ACTR3: variants seen among roughly 807,000 people sequenced by gnomAD.
The protein encoded by ACTR3 is actin related protein 3.
ACTR3 carries 12 observed loss-of-function variants against 56.8 expected under a neutral mutation model. The ratio of observed to expected loss-of-function variants is 0.21; its 90% CI spans 0.14 to 0.34. ACTR3 has a LOEUF of 0.34. Ranked by LOEUF, ACTR3 falls within the 10% of genes least tolerant of loss-of-function variation. ACTR3 has a pLI of 1.00. For synonymous variants in ACTR3, 162 were observed against 167.4 expected (o/e 0.97, Z 0.25); for missense variants, 282 against 512.5 (o/e 0.55, Z 4.34).
At chr2:113,918,648 G>A (rs867176093) in intron 3 of ACTR3, among the ~76,000 whole-genome samples, 2 of 152,154 alleles carry the variant, frequency 1.3e-5, no homozygotes, top group Non-Finnish European at 2.9e-5. Context: ...GCCTGCCAAA[G>A]TGCTGGGGTT....
intron 5 of ACTR3, among the ~76,000 whole-genome samples, chr2:113,932,672 AGTGAT>A (rs1679744434): frequency 6.6e-6 from 1 of 152,224 alleles, no homozygotes; most frequent in African/African-American, 2.4e-5. Flanking sequence ...GACTTGTAAA[AGTGAT>A]CAGAGATAAT....
At position 113,958,108 on chromosome 2, in the gene ACTR3, C is replaced by CT. The variant is rs1250088035; in HGVS notation, c.*656dup. The stretch of plus-strand genomic sequence containing the variant: ...CTGATTACTCGCATTCTGTTTCTTG[C>CT]TTTAAAAGAAGAGTAAAGACAAGAG... On this transcript the variant is annotated 3_prime_UTR_variant, in exon 12 of 12. Transcript: ENST00000263238. 1 of 152,474 alleles carries CT rather than the reference C, an allele frequency of 6.6e-6. No individual in the cohort carries two copies. Among genetic ancestry groups the CT allele is most frequent in the Non-Finnish European group, 1.5e-5 (1 of 68,008 alleles). The allele number at this position is 152,474 out of a possible 1,614,324, so 9.4% of individuals were successfully genotyped here.
At chr2:113,931,179 T>C (rs1046912173) in intron 4 of ACTR3, 122 bp from the exon 5 acceptor site, 5 of 576,968 alleles carry the variant, frequency 8.7e-6, no homozygotes, top group Non-Finnish European at 1.5e-5. Context: ...GTCTTTCTAC[T>C]TGTAAATTTA....
In ACTR3 at chr2:113,957,611, C is replaced by A; in HGVS notation, c.*156C>A. The A allele has an allele frequency of 1.8e-6, 1 of 551,082 alleles. No individual in the cohort carries two copies. The highest frequency in any genetic ancestry group is 3.3e-6 in the Non-Finnish European group (1 of 305,556). 34.1% of individuals were successfully genotyped at this position (551,082 alleles called of 1,614,324 possible). On this transcript the variant is annotated 3_prime_UTR_variant, in exon 12 of 12. Transcript: ENST00000263238. The stretch of plus-strand genomic sequence containing the variant: ...CAGGAATATTTTAATAAGTGTATCA[C>A]CATGCAGATGTAGAAGAGAGCGAAA...
Position 113,962,261 on chromosome 2 carries a change from C to T in ACTR3, c.*4806C>T, listed in dbSNP as rs1379466164. 1 of 151,844 alleles carries T rather than the reference C, an allele frequency of 6.6e-6. No individual in the cohort carries two copies. The highest frequency in any genetic ancestry group is 1.5e-5 in the Non-Finnish European group (1 of 67,874). The allele number at this position is 151,844 out of a possible 1,614,324, so 9.4% of individuals were successfully genotyped here. A position where few individuals can be genotyped will look rare whatever the true frequency, so the allele number is the denominator to read the frequency against. ...GCAGGTCTTAAATAATTATCTAAGC[C>T]TTCAGTCATTTCAAAATCTCTGTAG... On this transcript the variant is annotated 3_prime_UTR_variant, in exon 12 of 12. Transcript: ENST00000263238.
At chr2:113,896,316 T>C (rs906063378) in intron 1 of ACTR3, among the ~76,000 whole-genome samples, 2 of 152,234 alleles carry the variant, frequency 1.3e-5, no homozygotes, top group African/African-American at 2.4e-5. Flanking sequence ...CAGTGTGTTA[T>C]GCTTATTTTC....
intron 1 of ACTR3, chr2:113,904,832 C>T (rs1679164686): frequency 6.6e-6 from 1 of 152,092 alleles, no homozygotes. Context: ...ATTTAATAAC[C>T]ATTTCTGTTG....
chr2:113,907,228 A>G (rs1317853877), intron 1 of ACTR3, among the ~76,000 whole-genome samples: 2 of 152,112 alleles, frequency 1.3e-5, no homozygotes, highest in Non-Finnish European at 2.9e-5. Flanking sequence ...AGCAGGGGAG[A>G]AGGTGCTTTT....
At position 113,958,395 on chromosome 2, in the gene ACTR3, CT is replaced by C. The variant is rs1680262630; in HGVS notation, c.*944del. 1 of 152,484 alleles carries C rather than the reference CT, an allele frequency of 6.6e-6. No homozygotes were observed. Among genetic ancestry groups the C allele is most frequent in the Non-Finnish European group, 1.5e-5 (1 of 67,962 alleles). The allele number at this position is 152,484 out of a possible 1,614,324, so 9.4% of individuals were successfully genotyped here. A position where few individuals can be genotyped will look rare whatever the true frequency, so the allele number is the denominator to read the frequency against. On this transcript the variant is annotated 3_prime_UTR_variant, in exon 12 of 12. Transcript: ENST00000263238. ...TGTGCTCAATACAAATACTTGTGAA[CT>C]TTTAATATGTTGAGTGCTTTCATTT...
rs1359944548 is a variant in ACTR3, at chr2:113,921,320, T to C, written c.225+4312T>C. ...TTTGCCCTTTTAAAAAAATCAGTGT[T>C]TTTTTTTTTTTTTCTTGCTGTTGAA... On this transcript the variant is annotated intron_variant, in intron 3 of 11. Coordinates refer to ENST00000263238, the MANE Select transcript of ACTR3 (RefSeq NM_005721.5). Among the ~76,000 whole-genome samples the C allele has an allele frequency of 6.7e-5, 10 of 148,278 alleles. No individual in the cohort carries two copies. In the East Asian group the frequency reaches 2.0e-3, roughly 29 times the overall value.
Position 113,939,875 on chromosome 2 carries a change from T to A in ACTR3, c.541-84T>A, listed in dbSNP as rs1350324110. On this transcript the variant is annotated intron_variant, in intron 6 of 11. Coordinates refer to ENST00000263238, the MANE Select transcript of ACTR3 (RefSeq NM_005721.5). ...CTATAAATACACTAACTTAATAAAT[T>A]GGTCTTTATTGGTTCATATTTTTGG... 3.3e-6 allele frequency: 4 copies of A among 1,216,098 alleles called. No homozygotes were observed. The African/African-American group carries it at 6.1e-5, about 19-fold the overall frequency. The allele number at this position is 1,216,098 out of a possible 1,614,324, so 75.3% of individuals were successfully genotyped here. A position where few individuals can be genotyped will look rare whatever the true frequency, so the allele number is the denominator to read the frequency against.
intron 4 of ACTR3, among the ~76,000 whole-genome samples, chr2:113,929,991 T>C (rs1023813065): frequency 1.3e-5 from 2 of 152,202 alleles, no homozygotes; most frequent in Admixed American, 6.5e-5. Flanking sequence ...TGTCAGTCTT[T>C]AAAATTTTAG....
intron 7 of ACTR3, among the ~76,000 whole-genome samples, chr2:113,941,294 T>G (rs1040855711): frequency 6.6e-6 from 1 of 152,216 alleles, no homozygotes; most frequent in African/African-American, 2.4e-5. Flanking sequence ...ATCTGTGAAA[T>G]TAAAGCAAAA....
chr2:113,890,760 G>C (rs1406253283), intron 1 of ACTR3: 1 of 1,032,492 alleles, frequency 9.7e-7, no homozygotes, highest in Non-Finnish European at 1.2e-6. Context: ...AGGGGAGCTA[G>C]AAAAGAGAAG....
At chr2:113,935,977 T>C (rs1411245545) in intron 6 of ACTR3, among the ~76,000 whole-genome samples, 1 of 152,116 alleles carries the variant, frequency 6.6e-6, no homozygotes, top group Non-Finnish European at 1.5e-5. Flanking sequence ...TGTAAAAGAA[T>C]GAGTTTTAGT....
At chr2:113,932,724 G>A (rs1334216195) in intron 5 of ACTR3, among the ~76,000 whole-genome samples, 1 of 152,134 alleles carries the variant, frequency 6.6e-6, no homozygotes, top group Non-Finnish European at 1.5e-5. Context: ...CTTACTTATA[G>A]AGGAAGGATA....
In ACTR3 at chr2:113,890,337, C is replaced by A; in HGVS notation, c.44+14C>A. The A allele has an allele frequency of 1.2e-5, 2 of 164,676 alleles. No individual in the cohort carries two copies. The highest frequency in any genetic ancestry group is 9.7e-5 in the African/African-American group (1 of 10,278). The allele number at this position is 164,676 out of a possible 1,614,324, so 10.2% of individuals were successfully genotyped here. On this transcript the variant is annotated intron_variant, in intron 1 of 11. Transcript: ENST00000263238. ...CTGTGGCACGGGGTAAGGGGGCTTA[C>A]GGGCGGGGGTGGGGAAACTGAGGCG...
chr2:113,922,237 A>G (rs911258344), intron 3 of ACTR3, among the ~76,000 whole-genome samples: 2 of 152,194 alleles, frequency 1.3e-5, no homozygotes, highest in Admixed American at 6.5e-5. Flanking sequence ...GATGGAAGAC[A>G]TGTCTGAATG....
At chr2:113,909,333 A>T (rs970448096) in intron 1 of ACTR3, among the ~76,000 whole-genome samples, 7 of 152,158 alleles carry the variant, frequency 4.6e-5, no homozygotes, top group African/African-American at 1.7e-4. Context: ...TTCATTGATG[A>T]ATATACTCAG....
Sources: gnomAD v4.1 joint callset for allele counts (sites outside exome capture counted in the v4.1 genomes callset) on GRCh38, gnomAD v4.1.1 for gene constraint, MANE v1.5 for transcripts, NCBI Gene and HGNC (gene_info 2026-07-23, HGNC 2026-07-21) for gene names.